NOTCH2: variants seen among roughly 807,000 people sequenced by gnomAD.
NOTCH2 encodes neurogenic locus notch homolog protein 2.
In NOTCH2, 29 loss-of-function variants were observed where a neutral mutation model predicts 235.8. That is an observed-to-expected ratio of 0.12 (90% confidence interval 0.09 to 0.17). The LOEUF (loss-of-function observed/expected upper bound fraction) is 0.17, where lower values mean the gene tolerates loss of function less well. Ranked by LOEUF, NOTCH2 falls within the 10% of genes least tolerant of loss-of-function variation. NOTCH2 has a pLI of 1.00. For missense variants in NOTCH2, 2,285 were observed against 3,150.2 expected, an observed-to-expected ratio of 0.73 and a Z score of 6.57; for synonymous variants, 1,086 against 1,141.5, an observed-to-expected ratio of 0.95 and a Z score of 0.98.
chr1:119,955,252 T>C lies in NOTCH2; in HGVS notation c.2027-20A>G. ...TCTGCCCTGTGGAGAAGGGGGACAG[T>C]GTTAGTCACATCCTAAATGCTTAGG... On this transcript the variant is annotated intron_variant, in intron 12 of 33. Coordinates refer to ENST00000256646, the MANE Select transcript of NOTCH2 (RefSeq NM_024408.4). 2 of 1,612,292 alleles carry C rather than the reference T, an allele frequency of 1.2e-6. No homozygotes were observed. Among genetic ancestry groups the C allele is most frequent in the South Asian group, 1.1e-5 (1 of 91,040 alleles).
At chr1:120,041,022 C>G (rs587713596) in intron 1 of NOTCH2, among the ~76,000 whole-genome samples, 1 of 102,128 alleles carries the variant, frequency 9.8e-6, no homozygotes, top group Non-Finnish European at 1.8e-5. Flanking sequence ...GCCTGGGCGA[C>G]AGAGCAAGAC....
chr1:119,966,228 T>C (rs1651128628), intron 9 of NOTCH2, 148 bp downstream of exon 9: 1 of 696,936 alleles, frequency 1.4e-6, no homozygotes, highest in Non-Finnish European at 2.6e-6. Context: ...AAATTCTCTA[T>C]TTCTGTACAC....
At position 119,941,742 on chromosome 1, in the gene NOTCH2, T is replaced by C. The variant is rs886654944; in HGVS notation, c.2765A>G (p.Asn922Ser). The C allele has an allele frequency of 1.3e-5, 21 of 1,613,576 alleles. No individual in the cohort carries two copies. Among genetic ancestry groups the C allele is most frequent in the Middle Eastern group, 1.6e-4 (1 of 6,080 alleles). The change falls in exon 18 of 34, where the codon AAT (asparagine) becomes AGT (serine). Residue 922 changes from asparagine (N) to serine (S), a missense_variant. By Grantham distance (46) the Asn-to-Ser change is conservative. Around this residue, in one of 6 missense-constraint regions of NOTCH2, gnomAD observed 1,173 missense variants for 1,515.3 expected, o/e 0.77. Coordinates refer to ENST00000256646, the MANE Select transcript of NOTCH2 (RefSeq NM_024408.4). ...CACTCCATCCATACAGGAACCTCCATTCTGGCAAGGATCTAAGCCATTACA... is the reference window on the plus strand; with the variant it reads ...CACTCCATCCATACAGGAACCTCCACTCTGGCAAGGATCTAAGCCATTACA... ...IDDCLANPCQNGGSCMDGVNT... is the reference protein window; with the variant it reads ...IDDCLANPCQSGGSCMDGVNT...
chr1:119,924,163 T>G (rs1023808097), intron 25 of NOTCH2, among the ~76,000 whole-genome samples, 179 bp from the exon 26 acceptor site: 1 of 152,230 alleles, frequency 6.6e-6, no homozygotes, highest in Non-Finnish European at 1.5e-5. Context: ...ATGCCACTCA[T>G]CCTTGTTGAG....
At chr1:119,926,730 T>C (rs1649488677) in intron 23 of NOTCH2, 119 bp from the exon 24 acceptor site, 3 of 779,210 alleles carry the variant, frequency 3.9e-6, no homozygotes, top group South Asian at 3.0e-5. Context: ...GAGAGTTCAG[T>C]TCTAGGCCTG....
At chr1:120,006,141 T>C (rs1451863299) in intron 2 of NOTCH2, among the ~76,000 whole-genome samples, 1 of 152,110 alleles carries the variant, frequency 6.6e-6, no homozygotes, top group Non-Finnish European at 1.5e-5. Context: ...GAAACATCAA[T>C]TGGCTGATAC....
chr1:119,967,345 G>C (rs1651180403), intron 8 of NOTCH2, 88 bp downstream of exon 8: 8 of 1,178,698 alleles, frequency 6.8e-6, no homozygotes, highest in Non-Finnish European at 1.0e-5. Flanking sequence ...GAGCTCATCA[G>C]ACTGCAATAG....
intron 5 of NOTCH2, among the ~76,000 whole-genome samples, chr1:119,982,774 A>T (rs1214837167): frequency 2.0e-5 from 3 of 152,180 alleles, no homozygotes; most frequent in Admixed American, 2.0e-4. Context: ...TTTCCATCTG[A>T]GCTTAAGCTA....
rs199631705 is a variant in NOTCH2 at position 119,949,312 on chromosome 1, G to GT, written c.2480-187dup. On this transcript the variant is annotated intron_variant, in intron 15 of 33. Transcript: ENST00000256646. ...TAACTGTGTAACCTTGGGCAAGATA[G>GT]TTAGGGACCTCCTACAACTGTGATT... Among the ~76,000 whole-genome samples, 3,472 of 150,792 alleles carry GT rather than the reference G, an allele frequency of 0.023. 142 individuals carry two copies. The highest frequency in any genetic ancestry group is 0.08 in the African/African-American group (3,303 of 41,110).
At position 119,925,459 on chromosome 1, in the gene NOTCH2, C is replaced by T. The variant is rs1403190122; in HGVS notation, c.4357G>A (p.Gly1453Ser). The change falls in exon 25 of 34, where the codon GGT becomes AGT. Residue 1453 changes from glycine to serine, a missense_variant. This residue lies in a region of NOTCH2 where 1,173 missense variants were observed against 1,515.3 expected (regional missense o/e 0.77). Coordinates refer to ENST00000256646, the MANE Select transcript of NOTCH2 (RefSeq NM_024408.4). ...TTCTCCATGGTGAGAGAACAGTCAC[C>T]CCCATCCCACTGGCAGGCATGGCTG... The part of the protein sequence containing the change: ...CNSHACQWDG[G>S]DCSLTMENPW... 9.3e-6 allele frequency: 15 copies of T among 1,614,046 alleles called. No homozygotes were observed. Among genetic ancestry groups the T allele is most frequent in the Non-Finnish European group, 1.2e-5 (14 of 1,180,040 alleles).
intron 5 of NOTCH2, among the ~76,000 whole-genome samples, chr1:119,984,095 A>C (rs950220550): frequency 6.6e-6 from 1 of 152,226 alleles, no homozygotes. Flanking sequence ...ATAGTGAAAA[A>C]GCATCAGACT....
chr1:119,999,684 C>T (rs1295496083), intron 3 of NOTCH2, among the ~76,000 whole-genome samples: 1 of 151,954 alleles, frequency 6.6e-6, no homozygotes, highest in Admixed American at 6.6e-5. Context: ...GAGTTTGAGA[C>T]CAGCCTGGCC....
chr1:120,014,495 A>G (rs1250912492), intron 2 of NOTCH2, among the ~76,000 whole-genome samples: 2 of 147,732 alleles, frequency 1.4e-5, no homozygotes, highest in Non-Finnish European at 3.0e-5. Flanking sequence ...GATGTAGAAA[A>G]GCAAAGGAAG....
chr1:119,973,449 TA>T (rs1331540889), intron 5 of NOTCH2, among the ~76,000 whole-genome samples: 1 of 151,532 alleles, frequency 6.6e-6, no homozygotes, highest in Non-Finnish European at 1.5e-5. Context: ...TTCAGGAAGG[TA>T]AAAAAAAGGA....
At chr1:120,062,921 G>A (rs1229741940) in intron 1 of NOTCH2, among the ~76,000 whole-genome samples, 9 of 152,026 alleles carry the variant, frequency 5.9e-5, no homozygotes, top group Non-Finnish European at 1.2e-4. Context: ...CCCTTTCTTG[G>A]CTTTACTCTC....
intron 15 of NOTCH2, among the ~76,000 whole-genome samples, chr1:119,949,665 G>A (rs902185100): frequency 1.3e-5 from 2 of 151,994 alleles, no homozygotes; most frequent in Admixed American, 6.6e-5. Context: ...GGATTACAGG[G>A]TGAGCCACCG....
At position 119,959,428 on chromosome 1, in the gene NOTCH2, T is replaced by G; in HGVS notation, c.1990A>C (p.Asn664His). 6.2e-7 allele frequency: 1 copy of G among 1,611,238 alleles called. No homozygotes were observed. The highest frequency in any genetic ancestry group is 8.5e-7 in the Non-Finnish European group (1 of 1,177,360). Residue 664 changes from asparagine (N) to histidine (H), a missense_variant, in exon 12 of 34, where the codon AAT (asparagine) becomes CAT (histidine). This residue lies in a region of NOTCH2 where 431 missense variants were observed against 757.8 expected (regional missense o/e 0.57). Transcript: ENST00000256646. ...CIHGICMDGI[N>H]RYSCVCSPGF... The stretch of plus-strand genomic sequence containing the variant: ...GGTGAGCAGACACAACTGTAGCGAT[T>G]AATGCCATCCATACAGATTCCATGG...
intron 23 of NOTCH2, among the ~76,000 whole-genome samples, chr1:119,928,460 T>A (rs183846502): frequency 6.6e-6 from 1 of 152,292 alleles, no homozygotes; most frequent in African/African-American, 2.4e-5. Flanking sequence ...ATTCAAGCCA[T>A]CACATGTCAA....
Position 119,938,608 on chromosome 1 carries a change from C to A in NOTCH2, c.3184-598G>T, listed in dbSNP as rs587690267. Reference sequence around the variant, plus strand: ...AGGCTTGCTGGGTGGTTTTGTACCACATTGTTTATTGTTGTGCACTCATAT... The same window carrying A: ...AGGCTTGCTGGGTGGTTTTGTACCAAATTGTTTATTGTTGTGCACTCATAT... On this transcript the variant is annotated intron_variant, in intron 19 of 33. Coordinates refer to ENST00000256646, the MANE Select transcript of NOTCH2 (RefSeq NM_024408.4). Among the ~76,000 whole-genome samples the A allele has an allele frequency of 2.0e-5, 3 of 152,102 alleles. 1 individual carries two copies. Among genetic ancestry groups the A allele is most frequent in the African/African-American group, 7.2e-5 (3 of 41,410 alleles).
Sources: allele counts gnomAD v4.1 joint callset (sites outside exome capture counted in the v4.1 genomes callset), GRCh38; gene constraint gnomAD v4.1.1; regional missense constraint gnomAD v4.1.1; transcripts MANE v1.5; gene names NCBI Gene and HGNC (gene_info 2026-07-23, HGNC 2026-07-21).